The following CHI3L2 variants were observed in gnomAD, a reference collection of about 807,000 sequenced individuals.
The protein encoded by CHI3L2 is chitinase 3 like 2.
CHI3L2 carries 47 observed loss-of-function variants against 47.3 expected under a neutral mutation model. The observed-to-expected ratio is 0.99, with a 90% confidence interval of 0.79 to 1.27. The LOEUF is 1.27. Ranked by LOEUF, CHI3L2 falls within the 50% of genes most tolerant of loss-of-function variation. The pLI is 0.00. For synonymous variants in CHI3L2, 198 were observed against 169.9 expected (o/e 1.17, Z -1.28); for missense variants, 497 against 462.1 (o/e 1.08, Z -0.69).
At chr1:111,242,950 A>G (rs1660104993) in intron 10 of CHI3L2, among the ~76,000 whole-genome samples, 1 of 152,170 alleles carries the variant, frequency 6.6e-6, no homozygotes, top group African/African-American at 2.4e-5. Context: ...TCCTGTGCAG[A>G]TGAAGGCTGT....
chr1:111,237,370 T>C (rs1659915292), intron 7 of CHI3L2, among the ~76,000 whole-genome samples: 1 of 152,244 alleles, frequency 6.6e-6, no homozygotes, highest in South Asian at 2.1e-4. Context: ...GTCAGATCTC[T>C]TTCACTGTCA....
intron 9 of CHI3L2, 58 bp from the exon 10 acceptor site, chr1:111,242,169 C>T (rs1660077966): frequency 3.1e-6 from 5 of 1,609,140 alleles, no homozygotes; most frequent in Non-Finnish European, 4.3e-6. Flanking sequence ...CTGATATGGT[C>T]CTGGGCATTT....
chr1:111,239,673 G>A (rs1365524553), intron 8 of CHI3L2, among the ~76,000 whole-genome samples: 2 of 152,200 alleles, frequency 1.3e-5, no homozygotes, highest in Non-Finnish European at 2.9e-5. Flanking sequence ...CTGTGCAGTT[G>A]TCAGATAGAT....
intron 1 of CHI3L2, among the ~76,000 whole-genome samples, chr1:111,228,992 G>C (rs1315568744): frequency 6.6e-6 from 1 of 152,208 alleles, no homozygotes; most frequent in African/African-American, 2.4e-5. Context: ...ACCAGGGCCA[G>C]CTCACACTGC....
In CHI3L2 at chr1:111,242,314, G is replaced by A. The variant is rs1209501393; in HGVS notation, c.1123G>A (p.Gly375Ser). The change falls in exon 10 of 11, where the codon GGC becomes AGC. Residue 375 changes from glycine to serine, a missense_variant. Physicochemically the swap from Gly to Ser is moderately conservative, Grantham distance 56 (BLOSUM62 0). Coordinates refer to ENST00000369748, the MANE Select transcript of CHI3L2 (RefSeq NM_004000.3). ...CTTCACTGGCAAATCCTGCAACCAGGGCCCTTACCCTCTTGTCCAAGCAGT... is the reference window on the plus strand; with the variant it reads ...CTTCACTGGCAAATCCTGCAACCAGAGCCCTTACCCTCTTGTCCAAGCAGT... ...DDFTGKSCNQ[G>S]PYPLVQAVKR... 1 of 1,613,798 alleles carries A rather than the reference G, an allele frequency of 6.2e-7. No homozygotes were observed. Among genetic ancestry groups the A allele is most frequent in the Non-Finnish European group, 8.5e-7 (1 of 1,179,922 alleles).
At chr1:111,242,510 G>T in intron 10 of CHI3L2, 144 bp downstream of exon 10, 1 of 798,116 alleles carries the variant, frequency 1.3e-6, no homozygotes, top group Non-Finnish European at 1.8e-6. Context: ...TTAGCAATTA[G>T]GCTGGTTCTG....
At chr1:111,230,986 G>T (rs950664862) in intron 3 of CHI3L2, 43 bp downstream of exon 3, 1 of 1,517,922 alleles carries the variant, frequency 6.6e-7, no homozygotes, top group East Asian at 2.3e-5. Flanking sequence ...GGATTTTAGA[G>T]GAGGGAAGCT....
At chr1:111,229,693 A>AAAAAAAAAAAAAAAAAAAAAAAAC (rs1659648746) in intron 1 of CHI3L2, 159 bp from the exon 2 acceptor site, 1 of 1,066,596 alleles carries the variant, frequency 9.4e-7, no homozygotes, top group African/African-American at 1.7e-5. Flanking sequence ...AAAAAAAAAA[A>AAAAAAAAAAAAAAAAAAAAAAAAC]AAAAAAAAAA....
chr1:111,232,663 AT>A, intron 4 of CHI3L2, among the ~76,000 whole-genome samples: 1 of 152,258 alleles, frequency 6.6e-6, no homozygotes, highest in South Asian at 2.1e-4. Flanking sequence ...TTATATGATT[AT>A]TGTTGTTATT....
intron 4 of CHI3L2, among the ~76,000 whole-genome samples, chr1:111,234,295 A>G (rs901150077): frequency 3.9e-5 from 6 of 152,210 alleles, no homozygotes; most frequent in African/African-American, 1.4e-4. Context: ...TCAGTATGGT[A>G]CTGGGTTCTA....
At chr1:111,235,933 T>C (rs1294112745) in intron 6 of CHI3L2, 91 bp from the exon 7 acceptor site, 12 of 1,566,168 alleles carry the variant, frequency 7.7e-6, no homozygotes, top group Non-Finnish European at 9.6e-6. Flanking sequence ...TCAATCCTTC[T>C]AGCAGCATCA....
In CHI3L2 at chr1:111,242,384, A is replaced by T. The variant is rs1186970251; in HGVS notation, c.*2+18A>T. 6.3e-7 allele frequency: 1 copy of T among 1,580,874 alleles called. No individual in the cohort carries two copies. Among genetic ancestry groups the T allele is most frequent in the Admixed American group, 1.8e-5 (1 of 55,876 alleles). Reference sequence around the variant, plus strand: ...CTGTGAAGGTAACAGTCCAGGCTGGAGCTGGGAGTGGGCAGACAGCTGGGC... The same window carrying T: ...CTGTGAAGGTAACAGTCCAGGCTGGTGCTGGGAGTGGGCAGACAGCTGGGC... On this transcript the variant is annotated intron_variant, in intron 10 of 10. Coordinates refer to ENST00000369748, the MANE Select transcript of CHI3L2 (RefSeq NM_004000.3).
At chr1:111,239,928 A>G (rs1659998429) in intron 8 of CHI3L2, among the ~76,000 whole-genome samples, 1 of 152,246 alleles carries the variant, frequency 6.6e-6, no homozygotes, top group Middle Eastern at 3.2e-3. Context: ...ATACAGACAT[A>G]GCTAGTTAAA....
At position 111,230,789 on chromosome 1, in the gene CHI3L2, C is replaced by A. The variant is rs375664522; in HGVS notation, c.118C>A (p.Arg40=). ...VCYFTNWSQD[R]QEPGKFTPEN... is the part of the protein sequence containing the mutation. Reference sequence around the variant, plus strand: ...CTACTTTACCAACTGGTCCCAGGACCGGCAGGAACCAGGAAAATTCACCCC... The same window carrying A: ...CTACTTTACCAACTGGTCCCAGGACAGGCAGGAACCAGGAAAATTCACCCC... The change falls in exon 3 of 11, where the codon CGG becomes AGG. Residue 40 remains arginine (R), a synonymous_variant. Transcript: ENST00000369748. 9.9e-6 allele frequency: 16 copies of A among 1,614,020 alleles called. No individual in the cohort carries two copies. Among genetic ancestry groups the A allele is most frequent in the African/African-American group, 1.3e-5 (1 of 74,882 alleles).
chr1:111,236,156 G>A lies in CHI3L2; in HGVS notation c.735+3G>A. 1 of 1,614,098 alleles carries A rather than the reference G, an allele frequency of 6.2e-7. No homozygotes were observed. Among genetic ancestry groups the A allele is most frequent in the Non-Finnish European group, 8.5e-7 (1 of 1,179,976 alleles). ...GGCCAAGCTCCTACTACAATGTGGT[G>A]AGTAGGCCAGGGGAACCGCAGGGGT... On this transcript the variant is annotated splice_donor_region_variant and intron_variant, in intron 7 of 10. Transcript: ENST00000369748.
chr1:111,242,860 C>T (rs945038528), intron 10 of CHI3L2, among the ~76,000 whole-genome samples: 4 of 152,186 alleles, frequency 2.6e-5, no homozygotes, highest in African/African-American at 7.2e-5. Context: ...TTACCCAAGC[C>T]TCCCTATTAC....
chr1:111,227,701 G>A (rs756946947), upstream of CHI3L2: 1 of 1,613,198 alleles, frequency 6.2e-7, no homozygotes, highest in South Asian at 1.1e-5. Context: ...CCTAGAGAAT[G>A]TGTATCCCAG....
chr1:111,234,558 C>T (rs1395692943), intron 4 of CHI3L2, among the ~76,000 whole-genome samples: 4 of 152,138 alleles, frequency 2.6e-5, no homozygotes, highest in Non-Finnish European at 4.4e-5. Context: ...TTTCTGGAAT[C>T]GGACACTGCA....
At chr1:111,238,349 T>G (rs1659943377) in intron 7 of CHI3L2, among the ~76,000 whole-genome samples, 1 of 152,232 alleles carries the variant, frequency 6.6e-6, no homozygotes, top group Non-Finnish European at 1.5e-5. Context: ...GCAAGGTCAT[T>G]GTGAGGCCTC....
Sources: allele counts gnomAD v4.1 joint callset (sites outside exome capture counted in the v4.1 genomes callset), GRCh38; gene constraint gnomAD v4.1.1; transcripts MANE v1.5; gene names NCBI Gene and HGNC (gene_info 2026-07-23, HGNC 2026-07-21).